GRM7: variants seen among roughly 807,000 people sequenced by gnomAD.
The protein encoded by GRM7 is glutamate metabotropic receptor 7.
GRM7 carries 35 observed loss-of-function variants against 84.5 expected under a neutral mutation model. The observed-to-expected ratio is 0.41, with a 90% CI of 0.32 to 0.55. GRM7 has a LOEUF of 0.55. Ranked by LOEUF, GRM7 falls within the 20% of genes least tolerant of loss-of-function variation. The probability of loss-of-function intolerance (pLI) is 0.19; values close to 1 mark genes in which losing one functional copy is unlikely to be tolerated. For synonymous variants in GRM7, 487 were observed against 455.1 expected, an observed-to-expected ratio of 1.07 and a Z score of -0.89; for missense variants, 1,003 against 1,194.6, an observed-to-expected ratio of 0.84 and a Z score of 2.36.
chr3:7,356,297 A>ATTTTTTTTTTTTTTTT (rs1011380269), intron 4 of GRM7, among the ~76,000 whole-genome samples: 1 of 148,932 alleles, frequency 6.7e-6, no homozygotes, highest in African/African-American at 2.5e-5. Flanking sequence ...GCAGAGGAGG[A>ATTTTTTTTTTTTTTTT]TTTTTTTTTT....
intron 2 of GRM7, among the ~76,000 whole-genome samples, chr3:7,200,653 C>G (rs552203263): frequency 6.6e-6 from 1 of 152,260 alleles, no homozygotes; most frequent in African/African-American, 2.4e-5. Flanking sequence ...TTCTGTGGGT[C>G]TGAGGTGGAG....
rs1700160096 is a variant in GRM7, at chr3:7,305,400, G to A, written c.879-1098G>A. 3.9e-5 allele frequency among the ~76,000 whole-genome samples: 2 copies of A among 51,542 alleles called. 1 individual carries two copies. The highest frequency in any genetic ancestry group is 1.1e-4 in the Non-Finnish European group (2 of 17,518). The allele number at this position is 51,542 out of a possible 152,430, so 33.8% of individuals were successfully genotyped here. A position where few individuals can be genotyped will look rare whatever the true frequency, so the allele number is the denominator to read the frequency against. ...TTAGGATACATGTGCACATTGTGCA[G>A]GTTAGTTACATATGTATACATGTGC... On this transcript the variant is annotated intron_variant, in intron 3 of 9. Transcript: ENST00000357716.
At chr3:6,967,920 A>C (rs1362275398) in intron 1 of GRM7, among the ~76,000 whole-genome samples, 1 of 152,200 alleles carries the variant, frequency 6.6e-6, no homozygotes, top group African/African-American at 2.4e-5. Flanking sequence ...AGATCTGGGC[A>C]TTGGTATTTG....
At chr3:7,540,308 G>A (rs1262600664) in intron 7 of GRM7, among the ~76,000 whole-genome samples, 2 of 152,156 alleles carry the variant, frequency 1.3e-5, no homozygotes, top group Non-Finnish European at 2.9e-5. Flanking sequence ...ATTTATAATA[G>A]CCAAAGAGTG....
At chr3:7,309,245 A>C (rs573257360) in intron 4 of GRM7, among the ~76,000 whole-genome samples, 1 of 152,236 alleles carries the variant, frequency 6.6e-6, no homozygotes, top group Non-Finnish European at 1.5e-5. Context: ...ACTTCTATGA[A>C]AGTTAAAAAA....
At chr3:7,345,138 C>T (rs1342649848) in intron 4 of GRM7, among the ~76,000 whole-genome samples, 2 of 151,886 alleles carry the variant, frequency 1.3e-5, no homozygotes, top group Non-Finnish European at 2.9e-5. Flanking sequence ...AAGAAGCTGA[C>T]CTGTTATAGA....
chr3:7,173,957 C>G (rs1185579842), intron 2 of GRM7, among the ~76,000 whole-genome samples: 1 of 152,032 alleles, frequency 6.6e-6, no homozygotes, highest in Non-Finnish European at 1.5e-5. Flanking sequence ...ATTTTATTTC[C>G]TTTTGTTTCC....
At chr3:7,237,452 G>A (rs1697386055) in intron 2 of GRM7, among the ~76,000 whole-genome samples, 1 of 152,106 alleles carries the variant, frequency 6.6e-6, no homozygotes, top group South Asian at 2.1e-4. Context: ...TCCTTCTGGT[G>A]GGTTCTTGGG....
In GRM7 at chr3:6,861,355, G is replaced by GCGC. The variant is rs759572072; in HGVS notation, c.-23_-21dup. Reference sequence around the variant, plus strand: ...GGCGAGCCCACCACCGTTCCCTCCAGCGCCGCCGCCGCCACCGCAGCAGCC... The same window carrying GCGC: ...GGCGAGCCCACCACCGTTCCCTCCAGCGCCGCCGCCGCCGCCACCGCAGCAGCC... On this transcript the variant is annotated 5_prime_UTR_variant, in exon 1 of 10. Coordinates refer to ENST00000357716, the MANE Select transcript of GRM7 (RefSeq NM_000844.4). This position sits in a 1 kb window ranked among gnomAD's most constrained non-coding sequence, Gnocchi z 6.4. 1.0e-5 allele frequency: 15 copies of GCGC among 1,475,952 alleles called. No homozygotes were observed. In the Admixed American group the frequency reaches 2.0e-4, roughly 19 times the overall value. The allele number at this position is 1,475,952 out of a possible 1,614,324, so 91.4% of individuals were successfully genotyped here.
At chr3:7,614,809 C>G (rs1013523653) in intron 8 of GRM7, among the ~76,000 whole-genome samples, 2 of 152,066 alleles carry the variant, frequency 1.3e-5, no homozygotes, top group Non-Finnish European at 2.9e-5. Context: ...ATTTAGTCAA[C>G]CCCCTTCCTT....
At chr3:7,646,226 CTGT>C (rs1698630447) in intron 8 of GRM7, among the ~76,000 whole-genome samples, 1 of 152,150 alleles carries the variant, frequency 6.6e-6, no homozygotes, top group Non-Finnish European at 1.5e-5. Context: ...GAGTCTCACT[CTGT>C]TGCCCAGGCT....
At chr3:6,949,436 G>A (rs1262509809) in intron 1 of GRM7, among the ~76,000 whole-genome samples, 1 of 152,256 alleles carries the variant, frequency 6.6e-6, no homozygotes, top group Non-Finnish European at 1.5e-5. Context: ...CTGTTAGTCT[G>A]ATGGGCTTCT....
At chr3:7,541,221 G>A (rs1427755596) in intron 7 of GRM7, among the ~76,000 whole-genome samples, 3 of 152,150 alleles carry the variant, frequency 2.0e-5, no homozygotes, top group Admixed American at 6.6e-5. Flanking sequence ...GTGAAACCAT[G>A]TAAAAATGCT....
At chr3:7,439,126 G>A (rs1183903011) in intron 5 of GRM7, among the ~76,000 whole-genome samples, 1 of 152,122 alleles carries the variant, frequency 6.6e-6, no homozygotes, top group Non-Finnish European at 1.5e-5. Flanking sequence ...GACTCATAAG[G>A]AGGGACGTGA....
At chr3:7,643,577 T>C (rs1698466617) in intron 8 of GRM7, among the ~76,000 whole-genome samples, 1 of 152,234 alleles carries the variant, frequency 6.6e-6, no homozygotes, top group African/African-American at 2.4e-5. Context: ...AGCTTTCCAC[T>C]GGCCAACAGG....
intron 1 of GRM7, among the ~76,000 whole-genome samples, chr3:6,991,134 C>T (rs893648359): frequency 6.6e-6 from 1 of 152,130 alleles, no homozygotes; most frequent in Admixed American, 6.5e-5. Context: ...CAACCTGCAC[C>T]CTTAGTTTAC....
chr3:6,905,905 A>T (rs1259108952), intron 1 of GRM7, among the ~76,000 whole-genome samples: 1 of 152,212 alleles, frequency 6.6e-6, no homozygotes, highest in Non-Finnish European at 1.5e-5. Flanking sequence ...AGTCAATCAT[A>T]GTCATGATTT....
intron 7 of GRM7, among the ~76,000 whole-genome samples, chr3:7,518,146 T>C (rs564501360): frequency 3.3e-5 from 5 of 152,290 alleles, no homozygotes; most frequent in African/African-American, 7.2e-5. Context: ...GGGGCTTTAG[T>C]TCCCAAAAGA....
chr3:7,270,807 G>A (rs1205565259), intron 2 of GRM7, among the ~76,000 whole-genome samples: 1 of 152,206 alleles, frequency 6.6e-6, no homozygotes, highest in African/African-American at 2.4e-5. Context: ...CGATTTTGGA[G>A]GTGGAAGTCG....
Sources: allele counts gnomAD v4.1 joint callset (sites outside exome capture counted in the v4.1 genomes callset), GRCh38; gene constraint gnomAD v4.1.1; non-coding constraint Gnocchi (gnomAD v3.1); transcripts MANE v1.5; gene names NCBI Gene and HGNC (gene_info 2026-07-23, HGNC 2026-07-21).